DPP10: variants seen among roughly 807,000 people sequenced by gnomAD.
The protein encoded by DPP10 is dipeptidyl peptidase like 10.
DPP10 carries 33 observed loss-of-function variants against 120.9 expected under a neutral mutation model. The observed-to-expected ratio is 0.27, with a 90% CI of 0.21 to 0.37. DPP10 has a LOEUF of 0.37. Among genes scored for constraint, DPP10 ranks in the 10% least tolerant of loss-of-function variants. DPP10 has a pLI of 1.00. For missense variants in DPP10, 816 were observed against 942.8 expected (o/e 0.87, Z 1.76); for synonymous variants, 337 against 326.1 (o/e 1.03, Z -0.36).
intron 1 of DPP10, among the ~76,000 whole-genome samples, chr2:114,949,269 T>C (rs1697596836): frequency 6.6e-6 from 1 of 151,984 alleles, no homozygotes; most frequent in African/African-American, 2.4e-5. Context: ...ACTCATTCAT[T>C]ATTAGGAGAA....
At chr2:115,070,073 T>C (rs917498622) in intron 1 of DPP10, among the ~76,000 whole-genome samples, 4 of 152,098 alleles carry the variant, frequency 2.6e-5, no homozygotes, top group Non-Finnish European at 1.5e-5. Flanking sequence ...TTTATTAGGT[T>C]AAAATGTGGG....
intron 13 of DPP10, among the ~76,000 whole-genome samples, chr2:115,769,131 A>T (rs1681151833): frequency 6.6e-6 from 1 of 152,090 alleles, no homozygotes; most frequent in African/African-American, 2.4e-5. Flanking sequence ...ATGAGAAAAT[A>T]AAGCATCCTT....
Position 114,663,664 on chromosome 2 carries a change from T to TAGAG in DPP10, c.60+220827_60+220828insGAGA, listed in dbSNP as rs1374317856. Reference sequence around the variant, plus strand: ...AGATATATATATATATATATATATATATATAGAGAGAGAGAGAGAGAGAGA... The same window carrying TAGAG: ...AGATATATATATATATATATATATATAGAGATATAGAGAGAGAGAGAGAGAGAGA... On this transcript the variant is annotated intron_variant, in intron 1 of 25. Transcript: ENST00000410059. Among the ~76,000 whole-genome samples, 665 of 95,328 alleles carry TAGAG rather than the reference T, an allele frequency of 7.0e-3. 4 individuals are homozygous for TAGAG. The highest frequency in any genetic ancestry group is 0.011 in the Middle Eastern group (2 of 178). 62.5% of individuals were successfully genotyped at this position (95,328 alleles called of 152,430 possible).
Position 115,836,143 on chromosome 2 carries a change from T to TATATA in DPP10, c.1951-14_1951-13insATATA, listed in dbSNP as rs772177473. 10 of 1,406,874 alleles carry TATATA rather than the reference T, an allele frequency of 7.1e-6. No homozygotes were observed. Among genetic ancestry groups the TATATA allele is most frequent in the African/African-American group, 1.8e-5 (1 of 56,442 alleles). The allele number at this position is 1,406,874 out of a possible 1,614,324, so 87.1% of individuals were successfully genotyped here. A position where few individuals can be genotyped will look rare whatever the true frequency, so the allele number is the denominator to read the frequency against. ...AGATATATATATATATATATATATA[T>TATATA]TTTTCCCCCCCAGGGTTATGGTGGC... On this transcript the variant is annotated splice_polypyrimidine_tract_variant and intron_variant, in intron 21 of 25. Transcript: ENST00000410059.
At chr2:115,020,960 T>C (rs1279763396) in intron 1 of DPP10, among the ~76,000 whole-genome samples, 1 of 151,978 alleles carries the variant, frequency 6.6e-6, no homozygotes, top group Non-Finnish European at 1.5e-5. Flanking sequence ...TTTAAAAAAA[T>C]TTGAACTGAA....
At chr2:115,101,106 T>C (rs1314288881) in intron 1 of DPP10, among the ~76,000 whole-genome samples, 1 of 152,142 alleles carries the variant, frequency 6.6e-6, no homozygotes, top group Admixed American at 6.5e-5. Flanking sequence ...GCCACAGGTA[T>C]GTGCTGTGGG....
chr2:115,262,215 C>CT (rs201632102), intron 1 of DPP10, among the ~76,000 whole-genome samples: 31 of 147,828 alleles, frequency 2.1e-4, no homozygotes, highest in South Asian at 8.6e-4. Flanking sequence ...AAATCCTGGA[C>CT]TTTTTTTTTT....
At position 115,836,142 on chromosome 2, in the gene DPP10, ATT is replaced by A. The variant is rs67145089; in HGVS notation, c.1951-11_1951-10del. The A allele has an allele frequency of 3.1e-3, 3,917 of 1,254,952 alleles. 80 individuals carry two copies. In the African/African-American group the frequency reaches 0.056, roughly 18 times the overall value. The allele number at this position is 1,254,952 out of a possible 1,614,324, so 77.7% of individuals were successfully genotyped here. On this transcript the variant is annotated splice_polypyrimidine_tract_variant and intron_variant, in intron 21 of 25. Transcript: ENST00000410059. Reference sequence around the variant, plus strand: ...GAGATATATATATATATATATATATATTTTTCCCCCCCAGGGTTATGGTGGCT... The same window carrying A: ...GAGATATATATATATATATATATATATTTCCCCCCCAGGGTTATGGTGGCT...
At chr2:115,082,203 T>G (rs761060214) in intron 1 of DPP10, among the ~76,000 whole-genome samples, 4 of 152,168 alleles carry the variant, frequency 2.6e-5, no homozygotes, top group Non-Finnish European at 5.9e-5. Flanking sequence ...GAGTATTAGG[T>G]TAAGTAAGGT....
rs1023103856 is a variant in DPP10 at position 115,181,937 on chromosome 2, T to C, written c.61-127302T>C. On this transcript the variant is annotated intron_variant, in intron 1 of 25. Coordinates refer to ENST00000410059, the MANE Select transcript of DPP10 (RefSeq NM_020868.6). ...TCAGTGCTGTATTCAGCCATAATTT[T>C]TCAACACATACCGTTAGCCATAATC... Among the ~76,000 whole-genome samples the C allele has an allele frequency of 8.2e-4, 125 of 152,346 alleles. 1 individual carries two copies. The highest frequency in any genetic ancestry group is 2.8e-3 in the African/African-American group (117 of 41,586).
At chr2:114,840,301 A>C (rs1196646117) in intron 1 of DPP10, among the ~76,000 whole-genome samples, 2 of 152,150 alleles carry the variant, frequency 1.3e-5, no homozygotes, top group African/African-American at 4.8e-5. Context: ...TAAGGTCAGC[A>C]GAGTGGGAAG....
intron 1 of DPP10, among the ~76,000 whole-genome samples, chr2:115,278,397 C>T (rs1019239671): frequency 2.0e-5 from 3 of 152,128 alleles, no homozygotes; most frequent in East Asian, 1.9e-4. Flanking sequence ...CCTTTTAGAT[C>T]CGTTGTTACA....
chr2:115,157,617 CA>C (rs1359276424), intron 1 of DPP10, among the ~76,000 whole-genome samples: 1 of 152,162 alleles, frequency 6.6e-6, no homozygotes, highest in African/African-American at 2.4e-5. Flanking sequence ...GAGGATTGCT[CA>C]GCATACTGGT....
chr2:114,886,410 A>C (rs1195229486), intron 1 of DPP10, among the ~76,000 whole-genome samples: 4 of 152,190 alleles, frequency 2.6e-5, no homozygotes, highest in Non-Finnish European at 5.9e-5. Flanking sequence ...TCATGTTGCC[A>C]TTGAACATCT....
intron 2 of DPP10, among the ~76,000 whole-genome samples, chr2:115,341,090 T>C (rs996096567): frequency 6.6e-6 from 1 of 152,144 alleles, no homozygotes; most frequent in African/African-American, 2.4e-5. Flanking sequence ...CTCATCTGAT[T>C]AAAATCCCAT....
intron 1 of DPP10, among the ~76,000 whole-genome samples, chr2:114,960,365 C>CATATATAT (rs1558925348): frequency 8.1e-5 from 1 of 12,316 alleles, no homozygotes. Flanking sequence ...AGTGTATGTG[C>CATATATAT]GTATATATAT....
chr2:115,799,897 G>A (rs1356450683), intron 19 of DPP10, among the ~76,000 whole-genome samples: 3 of 151,940 alleles, frequency 2.0e-5, no homozygotes, highest in Admixed American at 1.3e-4. Context: ...ATGAACATAC[G>A]TGTGCATGTG....
chr2:115,792,660 G>A (rs959001567), intron 19 of DPP10, among the ~76,000 whole-genome samples: 1 of 150,490 alleles, frequency 6.6e-6, no homozygotes. Flanking sequence ...AGTTTCTTCT[G>A]GTCTATTTTA....
At chr2:114,597,432 C>A (rs1692004445) in intron 1 of DPP10, among the ~76,000 whole-genome samples, 1 of 151,928 alleles carries the variant, frequency 6.6e-6, no homozygotes. Flanking sequence ...TATAGGACAT[C>A]AAATTGTTTA....
Sources: gnomAD v4.1 joint callset for allele counts (sites outside exome capture counted in the v4.1 genomes callset) on GRCh38, gnomAD v4.1.1 for gene constraint, MANE v1.5 for transcripts, NCBI Gene and HGNC (gene_info 2026-07-23, HGNC 2026-07-21) for gene names.